VWA3B: variants seen among roughly 807,000 people sequenced by gnomAD.
VWA3B encodes von Willebrand factor A domain-containing protein 3B.
In VWA3B, 138 loss-of-function variants were observed where a neutral mutation model predicts 158.3. The ratio of observed to expected loss-of-function variants is 0.87; its 90% CI spans 0.76 to 1.00. The LOEUF (loss-of-function observed/expected upper bound fraction) is 1.00, where lower values mean the gene tolerates loss of function less well. Among genes scored for constraint, VWA3B ranks in the 50% least tolerant of loss-of-function variants. The pLI is 0.00. For missense variants in VWA3B, 1,555 were observed against 1,565.1 expected (o/e 0.99, Z 0.11); for synonymous variants, 596 against 587.3 (o/e 1.01, Z -0.21).
chr2:98,285,478 C>T (rs545194561), intron 22 of VWA3B, among the ~76,000 whole-genome samples: 20 of 151,774 alleles, frequency 1.3e-4, no homozygotes, highest in Middle Eastern at 6.8e-3. Context: ...TTTCTCTTGA[C>T]GGGTCAGATG....
rs563306632 is a variant in VWA3B, at chr2:98,223,379, C to T, written c.2020-4823C>T. On this transcript the variant is annotated intron_variant, in intron 14 of 27. Coordinates refer to ENST00000477737, the MANE Select transcript of VWA3B (RefSeq NM_144992.5). Reference sequence around the variant, plus strand: ...ACAAAATATCCAGCATTAGTATCATCGGAGTCCACCAAAGAGACAAGAAGG... The same window carrying T: ...ACAAAATATCCAGCATTAGTATCATTGGAGTCCACCAAAGAGACAAGAAGG... Among the ~76,000 whole-genome samples, 5 of 148,610 alleles carry T rather than the reference C, an allele frequency of 3.4e-5. No individual in the cohort carries two copies. The South Asian group carries it at 6.3e-4, about 19-fold the overall frequency.
chr2:98,155,142 C>T (rs545618518), intron 7 of VWA3B, among the ~76,000 whole-genome samples: 39 of 152,306 alleles, frequency 2.6e-4, no homozygotes, highest in African/African-American at 7.9e-4. Context: ...GGGTGACAGC[C>T]GATTCCAATA....
At chr2:98,099,810 C>CAG (rs1682962418) in intron 2 of VWA3B, among the ~76,000 whole-genome samples, 1 of 151,684 alleles carries the variant, frequency 6.6e-6, no homozygotes. Context: ...CTTCAAATTC[C>CAG]AGATTCTTTC....
intron 19 of VWA3B, among the ~76,000 whole-genome samples, chr2:98,238,555 G>A (rs2105746515): frequency 1.3e-5 from 2 of 152,092 alleles, no homozygotes; most frequent in African/African-American, 4.8e-5. Context: ...AACAACTTGA[G>A]GTAGAGTGAA....
chr2:98,195,097 C>T (rs993213038), intron 12 of VWA3B, among the ~76,000 whole-genome samples: 6 of 152,114 alleles, frequency 3.9e-5, no homozygotes, highest in African/African-American at 4.8e-5. Flanking sequence ...TATAGCATTG[C>T]GAACTTCCAA....
downstream of VWA3B, among the ~76,000 whole-genome samples, chr2:98,317,314 C>A (rs1031282542): frequency 6.7e-6 from 1 of 148,482 alleles, no homozygotes; most frequent in South Asian, 2.1e-4. Context: ...AGTGGTAAAC[C>A]AAAAATAAAA....
chr2:98,109,113 C>G (rs938125805), intron 2 of VWA3B, among the ~76,000 whole-genome samples: 3 of 151,868 alleles, frequency 2.0e-5, no homozygotes, highest in Non-Finnish European at 2.9e-5. Context: ...CTGCCTCAGC[C>G]TTCCGAGTAG....
chr2:98,318,257 A>G (rs1376170336), downstream of VWA3B, among the ~76,000 whole-genome samples: 2 of 152,236 alleles, frequency 1.3e-5, no homozygotes, highest in Non-Finnish European at 2.9e-5. Flanking sequence ...TTTATTATAA[A>G]TACACATGTA....
chr2:98,136,230 A>T (rs1676273335), intron 7 of VWA3B, among the ~76,000 whole-genome samples: 1 of 152,164 alleles, frequency 6.6e-6, no homozygotes, highest in African/African-American at 2.4e-5. Flanking sequence ...AATTATAGTA[A>T]ATTATATATG....
chr2:98,259,841 A>G (rs1484128828), intron 21 of VWA3B, among the ~76,000 whole-genome samples: 1 of 151,398 alleles, frequency 6.6e-6, no homozygotes, highest in African/African-American at 2.4e-5. Flanking sequence ...TGTTGATTTG[A>G]GAGCTATCTT....
intron 16 of VWA3B, among the ~76,000 whole-genome samples, chr2:98,233,382 A>G (rs1685464591): frequency 6.6e-6 from 1 of 152,112 alleles, no homozygotes; most frequent in Non-Finnish European, 1.5e-5. Context: ...TGGGAATGGT[A>G]TAGTTTTTAT....
intron 1 of VWA3B, among the ~76,000 whole-genome samples, chr2:98,089,906 G>C (rs1452219019): frequency 6.6e-6 from 1 of 152,028 alleles, no homozygotes; most frequent in Non-Finnish European, 1.5e-5. Context: ...AGTTTTGATT[G>C]CCTTTTTTGG....
chr2:98,198,582 T>C (rs1682260015), intron 12 of VWA3B, among the ~76,000 whole-genome samples: 1 of 152,092 alleles, frequency 6.6e-6, no homozygotes, highest in Non-Finnish European at 1.5e-5. Context: ...TGATAGTTCA[T>C]GGATTTTGAT....
At chr2:98,197,921 G>T (rs1682194826) in intron 12 of VWA3B, among the ~76,000 whole-genome samples, 1 of 151,878 alleles carries the variant, frequency 6.6e-6, no homozygotes, top group Non-Finnish European at 1.5e-5. Context: ...ACCTGGTTGT[G>T]GTTATTGCTA....
rs1253026565 is a variant in VWA3B at position 98,218,001 on chromosome 2, G to A, written c.1992G>A (p.Lys664=). The change falls in exon 14 of 28, where the codon AAG becomes AAA. Residue 664 remains lysine (K), a synonymous_variant. Coordinates refer to ENST00000477737, the MANE Select transcript of VWA3B (RefSeq NM_144992.5). The part of the protein sequence containing the change: ...GEFHFYNFGC[K]DPTPPEAVQN... Reference sequence around the variant, plus strand: ...TCCATTTTTATAATTTTGGTTGCAAGGATCCCACTCCCCCAGAGGCTGTTC... The same window carrying A: ...TCCATTTTTATAATTTTGGTTGCAAAGATCCCACTCCCCCAGAGGCTGTTC... The A allele has an allele frequency of 1.2e-6, 2 of 1,611,994 alleles. No homozygotes were observed. The highest frequency in any genetic ancestry group is 1.7e-6 in the Non-Finnish European group (2 of 1,179,098).
intron 9 of VWA3B, among the ~76,000 whole-genome samples, chr2:98,185,127 T>C (rs1680909430): frequency 6.6e-6 from 1 of 152,214 alleles, no homozygotes; most frequent in African/African-American, 2.4e-5. Context: ...CAAATAACTG[T>C]GTAATCATAA....
intron 9 of VWA3B, among the ~76,000 whole-genome samples, chr2:98,183,633 A>G (rs369348729): frequency 9.2e-5 from 14 of 152,122 alleles, no homozygotes; most frequent in African/African-American, 3.4e-4. Flanking sequence ...ATGTTCAAAA[A>G]CCCATTCTTG....
rs118049949 is a variant in VWA3B, at chr2:98,141,832, A to G, written c.988+7893A>G. ...GAGGCCACACCCCTCTCTGCCCACC[A>G]GTTAGTCATGGTCTTAGCTGTCCCC... is the stretch of plus-strand genomic sequence containing the variant. On this transcript the variant is annotated intron_variant, in intron 7 of 27. Transcript: ENST00000477737. Among the ~76,000 whole-genome samples the G allele has an allele frequency of 1.4e-4, 21 of 152,258 alleles. No homozygotes were observed. The East Asian group carries it at 3.7e-3, about 27-fold the overall frequency.
intron 21 of VWA3B, among the ~76,000 whole-genome samples, chr2:98,257,097 C>G (rs1012308019): frequency 3.3e-5 from 5 of 151,876 alleles, no homozygotes; most frequent in African/African-American, 1.2e-4. Context: ...TTCATCTCCC[C>G]CACCTCCACA....
Sources: gnomAD v4.1 joint callset for allele counts (sites outside exome capture counted in the v4.1 genomes callset) on GRCh38, gnomAD v4.1.1 for gene constraint, MANE v1.5 for transcripts, NCBI Gene and HGNC (gene_info 2026-07-23, HGNC 2026-07-21) for gene names.